Variants in BRD3 observed in about 807,000 individuals in gnomAD.
The protein encoded by BRD3 is bromodomain-containing protein 3.
A neutral mutation model predicts 66.8 loss-of-function variants in BRD3; 17 were observed. That is an observed-to-expected ratio of 0.25 (90% CI 0.17 to 0.38). The LOEUF (loss-of-function observed/expected upper bound fraction) is 0.38, where lower values mean the gene tolerates loss of function less well. Ranked by LOEUF, BRD3 falls within the 10% of genes least tolerant of loss-of-function variation. BRD3 has a pLI of 1.00. For synonymous variants in BRD3, 421 were observed against 393.2 expected (o/e 1.07, Z -0.84); for missense variants, 713 against 956.1 (o/e 0.75, Z 3.35).
At position 134,051,638 on chromosome 9, in the gene BRD3, G is replaced by A. The variant is rs1269997636; in HGVS notation, c.423C>T (p.Pro141=). 2 of 1,589,664 alleles carry A rather than the reference G, an allele frequency of 1.3e-6. No homozygotes were observed. The highest frequency in any genetic ancestry group is 4.6e-5 in the East Asian group (2 of 43,224). Residue 141 remains proline, a synonymous_variant, in exon 4 of 12, where the codon CCC becomes CCT. Transcript: ENST00000303407. ...GGGGTAATAATTCAACTTCCTCTTG[G>A]GGCATCTGGGCCACTTTTTGTAGAA... is the stretch of plus-strand genomic sequence containing the variant. ...KIFLQKVAQM[P]QEEVELLPPA...
At position 134,050,600 on chromosome 9, in the gene BRD3, G is replaced by A; in HGVS notation, c.500-12C>T. ...CACTTGCTGTGTACCTTCAAGACAA[G>A]GAAGGGATGTTCAACACACCAGGCT... On this transcript the variant is annotated splice_polypyrimidine_tract_variant and intron_variant, in intron 4 of 11. Coordinates refer to ENST00000303407, the MANE Select transcript of BRD3 (RefSeq NM_007371.4). The A allele has an allele frequency of 1.9e-6, 3 of 1,599,668 alleles. No individual in the cohort carries two copies. Among genetic ancestry groups the A allele is most frequent in the East Asian group, 2.2e-5 (1 of 44,844 alleles).
rs1174531745 is a variant in BRD3, at chr9:134,030,506, A to G, written c.*3084T>C. On this transcript the variant is annotated 3_prime_UTR_variant, in exon 12 of 12. Coordinates refer to ENST00000303407, the MANE Select transcript of BRD3 (RefSeq NM_007371.4). ...ACTGACATTTACAGGAATATACTAG[A>G]AACGGCACTAAAAAGTTTAAGAAAA... 4.8e-6 allele frequency: 1 copy of G among 206,196 alleles called. No individual in the cohort carries two copies. Among genetic ancestry groups the G allele is most frequent in the Non-Finnish European group, 9.9e-6 (1 of 101,038 alleles). 12.8% of individuals were successfully genotyped at this position (206,196 alleles called of 1,614,324 possible). A position where few individuals can be genotyped will look rare whatever the true frequency, so the allele number is the denominator to read the frequency against.
intron 1 of BRD3, among the ~76,000 whole-genome samples, chr9:134,065,199 T>G (rs1588306136): frequency 6.6e-6 from 1 of 152,076 alleles, no homozygotes; most frequent in East Asian, 1.9e-4. Flanking sequence ...CCAAGGCAGG[T>G]GGATCACGAG....
chr9:134,054,413 A>G (rs45559132), intron 1 of BRD3: 3,252 of 152,290 alleles, frequency 0.021, 44 homozygotes, highest in Middle Eastern at 0.041. Flanking sequence ...GCCCATAGGA[A>G]CGCTGCACAG....
At chr9:134,050,225 C>T (rs978274241) in intron 5 of BRD3, 149 bp downstream of exon 5, 12 of 704,036 alleles carry the variant, frequency 1.7e-5, no homozygotes, top group Middle Eastern at 4.0e-4. Flanking sequence ...TCAGTAACAA[C>T]GGCCTGAGCT....
intron 4 of BRD3, among the ~76,000 whole-genome samples, chr9:134,051,040 C>T (rs1180604922): frequency 6.6e-6 from 1 of 152,206 alleles, no homozygotes; most frequent in Non-Finnish European, 1.5e-5. Flanking sequence ...ACCCAGACAA[C>T]ACCTGCATGC....
Position 134,051,613 on chromosome 9 carries a change from G to C in BRD3, c.448C>G (p.Pro150Ala). The change falls in exon 4 of 12, where the codon CCT becomes GCT. Residue 150 changes from proline (P) to alanine (A), a missense_variant. By Grantham distance (27) the Pro-to-Ala change is conservative. Around this residue, in one of 5 missense-constraint regions of BRD3, gnomAD observed 120 missense variants for 122.8 expected, o/e 0.98. Transcript: ENST00000303407. ...TTCCGACCTTTGCCCTTTGGAGCAGGGGGTAATAATTCAACTTCCTCTTGG... is the reference window on the plus strand; with the variant it reads ...TTCCGACCTTTGCCCTTTGGAGCAGCGGGTAATAATTCAACTTCCTCTTGG... ...MPQEEVELLPPAPKGKGRKPA... is the reference protein window; with the variant it reads ...MPQEEVELLPAAPKGKGRKPA... The C allele has an allele frequency of 1.3e-6, 2 of 1,584,578 alleles. No individual in the cohort carries two copies. The highest frequency in any genetic ancestry group is 1.7e-6 in the Non-Finnish European group (2 of 1,170,534).
At chr9:134,063,503 G>A (rs1830586362) in intron 1 of BRD3, among the ~76,000 whole-genome samples, 1 of 152,170 alleles carries the variant, frequency 6.6e-6, no homozygotes. Context: ...CACAGGGAGG[G>A]CATCCTCTCA....
chr9:134,039,796 C>T (rs932671104), intron 9 of BRD3, among the ~76,000 whole-genome samples: 4 of 152,256 alleles, frequency 2.6e-5, no homozygotes, highest in South Asian at 2.1e-4. Context: ...GAGACCAGGC[C>T]GTGCCAGCGC....
intron 1 of BRD3, among the ~76,000 whole-genome samples, chr9:134,061,244 C>A (rs940316592): frequency 6.6e-6 from 1 of 152,236 alleles, no homozygotes; most frequent in African/African-American, 2.4e-5. Flanking sequence ...GCAAACCAGC[C>A]AAGGGGCAGC....
Position 134,045,263 on chromosome 9 carries a change from C to G in BRD3, c.1215+30G>C, listed in dbSNP as rs1830142717. On this transcript the variant is annotated intron_variant, in intron 7 of 11. Transcript: ENST00000303407. The surrounding 1 kb of genome is among the most constrained non-coding windows in gnomAD (Gnocchi z 4.8). ...AGGATGCCCACAGCACTGAGCTGAGCAGCCCCACCCGTGCCCAGCCTCGGG... is the reference window on the plus strand; with the variant it reads ...AGGATGCCCACAGCACTGAGCTGAGGAGCCCCACCCGTGCCCAGCCTCGGG... 2 of 1,611,880 alleles carry G rather than the reference C, an allele frequency of 1.2e-6. No homozygotes were observed. Among genetic ancestry groups the G allele is most frequent in the Middle Eastern group, 3.3e-4 (2 of 6,056 alleles).
At chr9:134,052,103 G>A (rs946625263) in intron 3 of BRD3, among the ~76,000 whole-genome samples, 1 of 152,222 alleles carries the variant, frequency 6.6e-6, no homozygotes, top group Non-Finnish European at 1.5e-5. Flanking sequence ...ATGTTGCACA[G>A]GCTGGTCTTG....
In BRD3 at chr9:134,052,317, T is replaced by C. The variant is rs149142628; in HGVS notation, c.340A>G (p.Ile114Val). Residue 114 changes from isoleucine (I) to valine (V), a missense_variant, in exon 3 of 12, where the codon ATT (isoleucine) becomes GTT (valine). By Grantham distance (29) the Ile-to-Val change is conservative. Coordinates refer to ENST00000303407, the MANE Select transcript of BRD3 (RefSeq NM_007371.4). ...CCGCATCTTCTTACCTTGTTATAAA[T>C]GTAACAATTTGTAAACATGGTGTTG... is the stretch of plus-strand genomic sequence containing the variant. ...DFNTMFTNCY[I>V]YNKPTDDIVL... The C allele has an allele frequency of 6.2e-7, 1 of 1,612,848 alleles. No individual in the cohort carries two copies. Among genetic ancestry groups the C allele is most frequent in the Non-Finnish European group, 8.5e-7 (1 of 1,179,978 alleles).
chr9:134,046,758 C>T (rs1215694891), intron 6 of BRD3, among the ~76,000 whole-genome samples: 2 of 152,244 alleles, frequency 1.3e-5, no homozygotes, highest in Non-Finnish European at 2.9e-5. Flanking sequence ...CTGCACCTGG[C>T]TTCTCCCCAT....
chr9:134,063,651 G>A (rs1034083225), intron 1 of BRD3, among the ~76,000 whole-genome samples: 6 of 152,108 alleles, frequency 3.9e-5, no homozygotes, highest in African/African-American at 9.7e-5. Context: ...GGCTAAGGCC[G>A]TCCCGCCCCA....
intron 6 of BRD3, among the ~76,000 whole-genome samples, chr9:134,047,784 C>G (rs141604165): frequency 6.6e-6 from 1 of 152,196 alleles, no homozygotes; most frequent in South Asian, 2.1e-4. Flanking sequence ...TCTAGGGACC[C>G]CCTGACCTGA....
intron 11 of BRD3, 84 bp downstream of exon 11, chr9:134,034,617 G>T: frequency 6.4e-7 from 1 of 1,555,110 alleles, no homozygotes; most frequent in East Asian, 2.3e-5. Flanking sequence ...ACACTCAGAC[G>T]TGGGCCTGCT....
chr9:134,042,696 C>T (rs1413597199), intron 7 of BRD3, among the ~76,000 whole-genome samples: 1 of 149,850 alleles, frequency 6.7e-6, no homozygotes, highest in African/African-American at 2.5e-5. Context: ...CACACATATA[C>T]ACACACATAT....
At chr9:134,034,518 G>C in intron 11 of BRD3, 183 bp downstream of exon 11, 2 of 825,330 alleles carry the variant, frequency 2.4e-6, no homozygotes, top group African/African-American at 1.7e-5. Context: ...GCAGGGTTGG[G>C]GTATGACCCC....
Sources: allele counts gnomAD v4.1 joint callset (sites outside exome capture counted in the v4.1 genomes callset), GRCh38; gene constraint gnomAD v4.1.1; regional missense constraint gnomAD v4.1.1; non-coding constraint Gnocchi (gnomAD v3.1); transcripts MANE v1.5; gene names NCBI Gene and HGNC (gene_info 2026-07-23, HGNC 2026-07-21).